The following PPP2R3A variants were observed in gnomAD, a reference collection of about 807,000 sequenced individuals.
PPP2R3A encodes serine/threonine-protein phosphatase 2A regulatory subunit B'' subunit alpha.
A neutral mutation model predicts 106.9 loss-of-function variants in PPP2R3A; 80 were observed. The observed-to-expected ratio is 0.75, with a 90% CI of 0.62 to 0.90. The LOEUF is 0.90. PPP2R3A is among the 40% of genes least tolerant of loss of function. The pLI is 0.00. For missense variants in PPP2R3A, 1,386 were observed against 1,350.4 expected, an observed-to-expected ratio of 1.03 and a Z score of -0.41; for synonymous variants, 483 against 468.3, an observed-to-expected ratio of 1.03 and a Z score of -0.41.
At chr3:136,109,790 G>A (rs574657848) in intron 13 of PPP2R3A, among the ~76,000 whole-genome samples, 15 of 152,044 alleles carry the variant, frequency 9.9e-5, no homozygotes, top group South Asian at 2.1e-4. Flanking sequence ...AACTTTCAGC[G>A]GGCCACTAAA....
intron 10 of PPP2R3A, among the ~76,000 whole-genome samples, chr3:136,101,712 C>T (rs942172619): frequency 3.3e-5 from 5 of 152,114 alleles, no homozygotes; most frequent in Non-Finnish European, 7.4e-5. Flanking sequence ...AGGCATGAGC[C>T]ACCGTGCCCA....
At position 136,037,515 on chromosome 3, in the gene PPP2R3A, C is replaced by T. The variant is rs537151544; in HGVS notation, c.2263-3344C>T. ...CTCTTTTCTGAACCATACAAAGCCC[C>T]GCAGCTCCTGTCTTCTGGCTGACAT... On this transcript the variant is annotated intron_variant, in intron 3 of 13. Coordinates refer to ENST00000264977, the MANE Select transcript of PPP2R3A (RefSeq NM_002718.5). Among the ~76,000 whole-genome samples the T allele has an allele frequency of 9.2e-5, 14 of 152,306 alleles. No homozygotes were observed. In the East Asian group the frequency reaches 2.5e-3, roughly 27 times the overall value.
At chr3:136,057,798 C>T (rs1935925109) in intron 5 of PPP2R3A, among the ~76,000 whole-genome samples, 1 of 152,076 alleles carries the variant, frequency 6.6e-6, no homozygotes, top group Non-Finnish European at 1.5e-5. Flanking sequence ...CGAAAGATAA[C>T]AAGTGTTGGA....
intron 9 of PPP2R3A, among the ~76,000 whole-genome samples, chr3:136,088,846 A>G (rs1472747415): frequency 2.0e-5 from 3 of 152,166 alleles, no homozygotes; most frequent in African/African-American, 7.2e-5. Context: ...ATGATGAATG[A>G]TGTTGAGATT....
intron 2 of PPP2R3A, among the ~76,000 whole-genome samples, chr3:136,011,990 C>T (rs1039754772): frequency 2.6e-4 from 29 of 112,126 alleles, no homozygotes; most frequent in African/African-American, 7.6e-4. Flanking sequence ...CACACACACA[C>T]ACATACACAC....
intron 5 of PPP2R3A, among the ~76,000 whole-genome samples, chr3:136,066,158 C>CA (rs1333948437): frequency 6.6e-6 from 1 of 152,090 alleles, no homozygotes; most frequent in Non-Finnish European, 1.5e-5. Context: ...CAAAACTGCA[C>CA]AAAAAAGCAC....
In PPP2R3A at chr3:135,973,378, C is replaced by T. The variant is rs547767046; in HGVS notation, c.-441+7529C>T. ...CATAGAGCTTTCATTTGGTCAAGGC[C>T]GCATAGATTGATGTCCTTCAGGGAC... On this transcript the variant is annotated intron_variant, in intron 1 of 13. Coordinates refer to ENST00000264977, the MANE Select transcript of PPP2R3A (RefSeq NM_002718.5). Among the ~76,000 whole-genome samples, 21 of 152,188 alleles carry T rather than the reference C, an allele frequency of 1.4e-4. No homozygotes were observed. In the South Asian group the frequency reaches 3.9e-3, roughly 29 times the overall value.
intron 7 of PPP2R3A, 129 bp from the exon 8 acceptor site, chr3:136,082,136 A>G: frequency 2.9e-6 from 2 of 698,244 alleles, no homozygotes; most frequent in South Asian, 2.0e-5. Context: ...GTTGCCTATT[A>G]AAGGGTTTCT....
intron 1 of PPP2R3A, among the ~76,000 whole-genome samples, chr3:135,979,385 A>G (rs1937508966): frequency 6.6e-6 from 1 of 151,410 alleles, no homozygotes; most frequent in Non-Finnish European, 1.5e-5. Context: ...AAAAAAAAAA[A>G]GATTTATTTG....
rs374535563 is a variant in PPP2R3A at position 136,040,908 on chromosome 3, G to C, written c.2312G>C (p.Gly771Ala). ...YWKAPMFRAA[G>A]GEKTGFVTAQ... ...AAAGCCCCCATGTTCAGGGCTGCAGGGGGAGAGAAGACAGGATTTGTGACA... is the reference window on the plus strand; with the variant it reads ...AAAGCCCCCATGTTCAGGGCTGCAGCGGGAGAGAAGACAGGATTTGTGACA... Residue 771 changes from glycine (G) to alanine (A), a missense_variant, in exon 4 of 14, where the codon GGG becomes GCG. By Grantham distance (60) the Gly-to-Ala change is moderately conservative. Coordinates refer to ENST00000264977, the MANE Select transcript of PPP2R3A (RefSeq NM_002718.5). 1.2e-6 allele frequency: 2 copies of C among 1,613,660 alleles called. No homozygotes were observed. The highest frequency in any genetic ancestry group is 1.7e-5 in the Admixed American group (1 of 59,974).
Position 136,145,094 on chromosome 3 carries a change from C to T in PPP2R3A, c.3381C>T (p.Asn1127=). 6.2e-7 allele frequency: 1 copy of T among 1,613,646 alleles called. No individual in the cohort carries two copies. Among genetic ancestry groups the T allele is most frequent in the Non-Finnish European group, 8.5e-7 (1 of 1,179,720 alleles). Residue 1127 remains asparagine, a synonymous_variant, in exon 14 of 14, where the codon AAC becomes AAT. Transcript: ENST00000264977. ...DEPASPSEFG[N]KSNKILSASL... ...CTGCCTCTCCCTCTGAATTTGGAAA[C>T]AAAAGCAATAAAATATTAAGTGCAA... is the stretch of plus-strand genomic sequence containing the variant.
chr3:136,019,084 A>C (rs1327716910), intron 2 of PPP2R3A, among the ~76,000 whole-genome samples: 1 of 152,220 alleles, frequency 6.6e-6, no homozygotes, highest in African/African-American at 2.4e-5. Flanking sequence ...CACATGGTCC[A>C]GATAGGACTG....
rs769408266 is a variant in PPP2R3A, at chr3:136,145,194, T to TTTTAA, written c.*28_*29insTTTAA. 99 of 1,586,932 alleles carry TTTTAA rather than the reference T, an allele frequency of 6.2e-5. No homozygotes were observed. The highest frequency in any genetic ancestry group is 8.1e-5 in the Non-Finnish European group (95 of 1,170,714). ...GCCGGTGTCTACAATGAAACGAAGATGTGTATTTTAAATGTTTCTTTCTTG... is the reference window on the plus strand; with the variant it reads ...GCCGGTGTCTACAATGAAACGAAGATTTTAAGTGTATTTTAAATGTTTCTTTCTTG... On this transcript the variant is annotated 3_prime_UTR_variant, in exon 14 of 14. Coordinates refer to ENST00000264977, the MANE Select transcript of PPP2R3A (RefSeq NM_002718.5).
rs1933630435 is a variant in PPP2R3A, at chr3:136,001,731, G to A, written c.233G>A (p.Gly78Glu). Reference protein sequence around the residue: ...LNSMFLPHENGLSSAEGDYPQ... With the variant: ...LNSMFLPHENELSSAEGDYPQ... ...TCTATGTTTCTACCCCATGAAAATG[G>A]GCTTTCTTCGGCTGAAGGAGACTAT... The change falls in exon 2 of 14, where the codon GGG (glycine) becomes GAG (glutamate). Residue 78 changes from glycine (G) to glutamate (E), a missense_variant. Coordinates refer to ENST00000264977, the MANE Select transcript of PPP2R3A (RefSeq NM_002718.5). 1 of 1,613,968 alleles carries A rather than the reference G, an allele frequency of 6.2e-7. No individual in the cohort carries two copies. Among genetic ancestry groups the A allele is most frequent in the Non-Finnish European group, 8.5e-7 (1 of 1,180,022 alleles).
intron 2 of PPP2R3A, among the ~76,000 whole-genome samples, chr3:136,018,215 C>T (rs1934345906): frequency 1.3e-5 from 2 of 152,138 alleles, no homozygotes; most frequent in Non-Finnish European, 2.9e-5. Context: ...TGCAGTGAGC[C>T]AAGATCATGC....
At chr3:136,143,539 C>A (rs1035414631) in intron 13 of PPP2R3A, among the ~76,000 whole-genome samples, 3 of 151,958 alleles carry the variant, frequency 2.0e-5, no homozygotes, top group Admixed American at 6.6e-5. Context: ...CCTGTAATCC[C>A]AGCATTTTGG....
intron 5 of PPP2R3A, among the ~76,000 whole-genome samples, chr3:136,068,642 G>A (rs915944504): frequency 1.3e-5 from 2 of 152,190 alleles, no homozygotes; most frequent in Admixed American, 6.5e-5. Flanking sequence ...CAGTGTAAAT[G>A]TTGCAGGCAT....
At chr3:136,084,513 T>C (rs1559910820) in intron 8 of PPP2R3A, among the ~76,000 whole-genome samples, 1 of 152,204 alleles carries the variant, frequency 6.6e-6, no homozygotes, top group African/African-American at 2.4e-5. Context: ...AATGTGGGGT[T>C]GAAGCCCCCA....
intron 5 of PPP2R3A, among the ~76,000 whole-genome samples, chr3:136,060,763 A>G (rs1936049358): frequency 6.6e-6 from 1 of 152,148 alleles, no homozygotes; most frequent in African/African-American, 2.4e-5. Context: ...AGCTGGGAGG[A>G]TGTCAATCAA....
Sources: gnomAD v4.1 joint callset for allele counts (sites outside exome capture counted in the v4.1 genomes callset) on GRCh38, gnomAD v4.1.1 for gene constraint, MANE v1.5 for transcripts, NCBI Gene and HGNC (gene_info 2026-07-23, HGNC 2026-07-21) for gene names.